The following RSBN1L variants were observed in gnomAD, a reference collection of about 807,000 sequenced individuals.
The protein encoded by RSBN1L is lysine-specific demethylase RSBN1L.
In RSBN1L, 30 loss-of-function variants were observed where a neutral mutation model predicts 67.7. The observed-to-expected ratio is 0.44, with a 90% CI of 0.33 to 0.60. The LOEUF (loss-of-function observed/expected upper bound fraction) is 0.60, where lower values mean the gene tolerates loss of function less well. Among genes scored for constraint, RSBN1L ranks in the 20% least tolerant of loss-of-function variants. RSBN1L has a pLI of 0.02. For synonymous variants in RSBN1L, 433 were observed against 387.0 expected (o/e 1.12, Z -1.39); for missense variants, 992 against 1,031.7 (o/e 0.96, Z 0.53).
intron 1 of RSBN1L, among the ~76,000 whole-genome samples, chr7:77,724,848 T>G (rs1478626536): frequency 6.9e-5 from 10 of 144,410 alleles, no homozygotes; most frequent in Non-Finnish European, 1.4e-4. Flanking sequence ...TTCTTTTTTG[T>G]TTTTTTTTTT....
chr7:77,738,505 GC>G (rs781105789), intron 2 of RSBN1L, among the ~76,000 whole-genome samples: 2 of 152,156 alleles, frequency 1.3e-5, no homozygotes, highest in Non-Finnish European at 2.9e-5. Flanking sequence ...TTTAATTACT[GC>G]CTTACAGTGT....
chr7:77,749,412 T>A lies in RSBN1L; in HGVS notation c.704-12T>A, dbSNP rs953872922. The A allele has an allele frequency of 5.9e-6, 9 of 1,514,906 alleles. No homozygotes were observed. Among genetic ancestry groups the A allele is most frequent in the African/African-American group, 4.2e-5 (3 of 70,704 alleles). 93.8% of individuals were successfully genotyped at this position (1,514,906 alleles called of 1,614,324 possible). The stretch of plus-strand genomic sequence containing the variant: ...TAAAATATGGAGTTTCAAAAAACAT[T>A]TTTTCCAACAGGTGGGAAGGAGAAA... On this transcript the variant is annotated splice_polypyrimidine_tract_variant and intron_variant, in intron 2 of 7. Coordinates refer to ENST00000334955, the MANE Select transcript of RSBN1L (RefSeq NM_198467.3).
At chr7:77,745,852 T>TATC (rs1230665227) in intron 2 of RSBN1L, among the ~76,000 whole-genome samples, 1 of 152,190 alleles carries the variant, frequency 6.6e-6, no homozygotes, top group African/African-American at 2.4e-5. Context: ...CCAGCACTAG[T>TATC]ATCATCTCAG....
intron 1 of RSBN1L, among the ~76,000 whole-genome samples, chr7:77,709,489 C>T (rs1355886273): frequency 6.6e-6 from 1 of 152,018 alleles, no homozygotes; most frequent in Non-Finnish European, 1.5e-5. Flanking sequence ...GGGGTTTCAC[C>T]ATAATGGCCA....
intron 1 of RSBN1L, among the ~76,000 whole-genome samples, chr7:77,728,688 T>C (rs1348615346): frequency 1.3e-5 from 2 of 152,238 alleles, no homozygotes; most frequent in Non-Finnish European, 2.9e-5. Flanking sequence ...AGAAATTGTT[T>C]TCCTGCAGGA....
chr7:77,727,254 GTTTTATA>G (rs1235403418), intron 1 of RSBN1L, among the ~76,000 whole-genome samples: 1 of 151,774 alleles, frequency 6.6e-6, no homozygotes, highest in African/African-American at 2.4e-5. Flanking sequence ...CGCCCAACTA[GTTTTATA>G]TTTTTAGTAC....
At chr7:77,776,480 G>C (rs1375349457) in intron 6 of RSBN1L, among the ~76,000 whole-genome samples, 1 of 152,116 alleles carries the variant, frequency 6.6e-6, no homozygotes, top group East Asian at 1.9e-4. Context: ...TCTGTCTGTA[G>C]GTATATGTCT....
Position 77,750,001 on chromosome 7 carries a change from G to A in RSBN1L, c.1281G>A (p.Val427=). Residue 427 remains valine, a synonymous_variant, in exon 3 of 8, where the codon GTG becomes GTA. Transcript: ENST00000334955. ...YFSFNFPNSP[V]KMEILGKKDI... ...CATTTAATTTTCCCAATTCACCAGT[G>A]AAAATGGAGATATTGGGAAAGAAAG... The A allele has an allele frequency of 1.2e-6, 2 of 1,613,116 alleles. No homozygotes were observed. Among genetic ancestry groups the A allele is most frequent in the Non-Finnish European group, 1.7e-6 (2 of 1,179,382 alleles).
chr7:77,727,624 A>AT (rs1791223808), intron 1 of RSBN1L, among the ~76,000 whole-genome samples: 2 of 150,510 alleles, frequency 1.3e-5, no homozygotes, highest in African/African-American at 5.0e-5. Context: ...TTAAAAAACA[A>AT]ATTTTTTTTT....
At chr7:77,759,587 A>T (rs1791671129) in intron 3 of RSBN1L, 1 of 152,138 alleles carries the variant, frequency 6.6e-6, no homozygotes, top group African/African-American at 2.4e-5. Flanking sequence ...CGCTAAAAAA[A>T]ACCTCAGCAG....
chr7:77,713,887 A>T (rs1487972719), intron 1 of RSBN1L, among the ~76,000 whole-genome samples: 1 of 152,144 alleles, frequency 6.6e-6, no homozygotes, highest in African/African-American at 2.4e-5. Context: ...GTTATTTTAT[A>T]TGACATTATT....
At chr7:77,732,160 C>T (rs1253718225) in intron 1 of RSBN1L, among the ~76,000 whole-genome samples, 1 of 151,982 alleles carries the variant, frequency 6.6e-6, no homozygotes, top group Non-Finnish European at 1.5e-5. Flanking sequence ...TTTCCCAAGC[C>T]TGAGATTAAA....
intron 1 of RSBN1L, among the ~76,000 whole-genome samples, chr7:77,714,701 A>C (rs1791022555): frequency 6.6e-6 from 1 of 151,960 alleles, no homozygotes; most frequent in Admixed American, 6.6e-5. Context: ...GGTGGCTCAC[A>C]CCTGTAATCC....
intron 4 of RSBN1L, among the ~76,000 whole-genome samples, chr7:77,765,884 G>A (rs541842559): frequency 6.6e-6 from 1 of 152,202 alleles, no homozygotes; most frequent in African/African-American, 2.4e-5. Flanking sequence ...GCAAAGCTAA[G>A]TGGTGGGCCA....
At chr7:77,740,263 T>TGTA (rs1228605623) in intron 2 of RSBN1L, among the ~76,000 whole-genome samples, 1 of 152,210 alleles carries the variant, frequency 6.6e-6, no homozygotes, top group Non-Finnish European at 1.5e-5. Context: ...TTTTTCTGAT[T>TGTA]GTATGCATTA....
intron 3 of RSBN1L, among the ~76,000 whole-genome samples, chr7:77,752,876 T>A (rs1791571779): frequency 6.6e-6 from 1 of 152,230 alleles, no homozygotes; most frequent in Non-Finnish European, 1.5e-5. Context: ...TATATTTTGC[T>A]TCTTTTTGAA....
At chr7:77,778,074 A>G (rs1470224168) in intron 6 of RSBN1L, among the ~76,000 whole-genome samples, 2 of 152,204 alleles carry the variant, frequency 1.3e-5, no homozygotes, top group Non-Finnish European at 2.9e-5. Context: ...TAATTTACCA[A>G]TTCAGATCAT....
intron 1 of RSBN1L, among the ~76,000 whole-genome samples, chr7:77,710,410 G>A (rs1790956995): frequency 6.6e-6 from 1 of 151,956 alleles, no homozygotes; most frequent in South Asian, 2.1e-4. Flanking sequence ...GCTCCTCGCC[G>A]CCTAGAACTT....
chr7:77,769,583 C>T (rs968324203), intron 5 of RSBN1L, among the ~76,000 whole-genome samples: 2 of 152,104 alleles, frequency 1.3e-5, no homozygotes, highest in African/African-American at 2.4e-5. Context: ...CCAAACAATG[C>T]AGTGGCAATA....
Sources: gnomAD v4.1 joint callset for allele counts (sites outside exome capture counted in the v4.1 genomes callset) on GRCh38, gnomAD v4.1.1 for gene constraint, MANE v1.5 for transcripts, NCBI Gene and HGNC (gene_info 2026-07-23, HGNC 2026-07-21) for gene names.